Variants in SGCG observed in about 807,000 individuals in gnomAD.
SGCG encodes sarcoglycan gamma.
SGCG carries 26 observed loss-of-function variants against 29.3 expected under a neutral mutation model. The ratio of observed to expected loss-of-function variants is 0.89; its 90% CI spans 0.65 to 1.23. The LOEUF is 1.23. SGCG is among the 50% of genes most tolerant of loss of function. The probability of loss-of-function intolerance (pLI) is 0.00; values close to 1 mark genes in which losing one functional copy is unlikely to be tolerated. For synonymous variants in SGCG, 145 were observed against 129.7 expected, an observed-to-expected ratio of 1.12 and a Z score of -0.80; for missense variants, 353 against 356.0, an observed-to-expected ratio of 0.99 and a Z score of 0.07.
chr13:23,238,984 C>T (rs1879407994), intron 3 of SGCG, among the ~76,000 whole-genome samples: 1 of 151,868 alleles, frequency 6.6e-6, no homozygotes, highest in African/African-American at 2.4e-5. Flanking sequence ...GGGACAATGT[C>T]AAGGGGCTTT....
intron 2 of SGCG, among the ~76,000 whole-genome samples, chr13:23,216,962 A>C (rs2137521021): frequency 6.6e-6 from 1 of 152,226 alleles, no homozygotes; most frequent in Non-Finnish European, 1.5e-5. Context: ...ATGTGTTTTT[A>C]ATTCCTGGGT....
At position 23,282,884 on chromosome 13, in the gene SGCG, C is replaced by T. The variant is rs552487347; in HGVS notation, c.505+3406C>T. On this transcript the variant is annotated intron_variant, in intron 5 of 7. Transcript: ENST00000218867. ...TTTAGTGGCATCCTTAGCCAGTAGT[C>T]ATTCAGGAGCAGGTTGTTCAGTTTC... Among the ~76,000 whole-genome samples, 3 of 152,272 alleles carry T rather than the reference C, an allele frequency of 2.0e-5. No individual in the cohort carries two copies. The East Asian group carries it at 5.8e-4, about 29-fold the overall frequency.
chr13:23,242,244 A>G (rs1181757412), intron 3 of SGCG, among the ~76,000 whole-genome samples: 2 of 152,302 alleles, frequency 1.3e-5, no homozygotes, highest in East Asian at 1.9e-4. Context: ...TGCCATTCCC[A>G]TATTAGGTTC....
At chr13:23,212,818 G>A (rs1363910137) in intron 2 of SGCG, among the ~76,000 whole-genome samples, 3 of 152,054 alleles carry the variant, frequency 2.0e-5, no homozygotes, top group African/African-American at 7.2e-5. Flanking sequence ...GAGCAGGTTT[G>A]GTTTGCAGAC....
At chr13:23,310,862 A>G (rs1198696721) in intron 6 of SGCG, among the ~76,000 whole-genome samples, 2 of 152,158 alleles carry the variant, frequency 1.3e-5, no homozygotes, top group African/African-American at 4.8e-5. Context: ...TATTTTTAAA[A>G]ACTTAGTCAC....
At position 23,319,754 on chromosome 13, in the gene SGCG, T is replaced by G. The variant is rs111595899; in HGVS notation, c.579-883T>G. ...TGCTTCCTACTGCCCTTTAAGCGTT[T>G]CCTTGAAATCAGCATTTCAAACTTT... On this transcript the variant is annotated intron_variant, in intron 6 of 7. Transcript: ENST00000218867. Among the ~76,000 whole-genome samples the G allele has an allele frequency of 1.4e-3, 219 of 152,318 alleles. 1 individual carries two copies. The highest frequency in any genetic ancestry group is 2.6e-3 in the Non-Finnish European group (179 of 68,042).
the SGCG span, among the ~76,000 whole-genome samples, chr13:23,172,828 G>A: frequency 6.6e-6 from 1 of 152,218 alleles, no homozygotes; most frequent in African/African-American, 2.4e-5. Context: ...GGAGTAGGAT[G>A]AAGGTGCTTA....
upstream of SGCG, among the ~76,000 whole-genome samples, chr13:23,176,917 A>T (rs1283239524): frequency 6.6e-6 from 1 of 152,194 alleles, no homozygotes; most frequent in African/African-American, 2.4e-5. Context: ...AAACATCTGC[A>T]TCCCCATGTT....
At chr13:23,319,622 CTCTT>C (rs1882959645) in intron 6 of SGCG, among the ~76,000 whole-genome samples, 1 of 152,308 alleles carries the variant, frequency 6.6e-6, no homozygotes. Context: ...GGGTACTTCT[CTCTT>C]AAGCCACTTC....
intron 4 of SGCG, among the ~76,000 whole-genome samples, chr13:23,266,271 C>CAA (rs56910680): frequency 7.9e-6 from 1 of 126,124 alleles, no homozygotes; most frequent in Non-Finnish European, 1.7e-5. Flanking sequence ...GACTCTGTCT[C>CAA]AAAAAAAAAA....
intron 2 of SGCG, among the ~76,000 whole-genome samples, chr13:23,211,258 C>G (rs1878196699): frequency 6.6e-6 from 1 of 152,104 alleles, no homozygotes; most frequent in Non-Finnish European, 1.5e-5. Context: ...TAAGTAGATC[C>G]CTGGGGAAGG....
At chr13:23,315,458 C>G (rs147417015) in intron 6 of SGCG, among the ~76,000 whole-genome samples, 1 of 152,222 alleles carries the variant, frequency 6.6e-6, no homozygotes, top group Non-Finnish European at 1.5e-5. Flanking sequence ...ACCCTGCCTT[C>G]TCTTCCCCAG....
chr13:23,167,011 T>C, the SGCG span, among the ~76,000 whole-genome samples: 1 of 152,218 alleles, frequency 6.6e-6, no homozygotes, highest in Non-Finnish European at 1.5e-5. Flanking sequence ...TTATTCTTTC[T>C]ATTTTTTAAC....
chr13:23,254,804 C>T (rs1268492979), intron 4 of SGCG, among the ~76,000 whole-genome samples: 1 of 152,196 alleles, frequency 6.6e-6, no homozygotes, highest in Non-Finnish European at 1.5e-5. Flanking sequence ...TGCTCTAGCT[C>T]CAGCTGTGCC....
intron 4 of SGCG, among the ~76,000 whole-genome samples, chr13:23,264,867 T>G (rs1421748901): frequency 1.3e-5 from 2 of 152,158 alleles, no homozygotes; most frequent in Non-Finnish European, 2.9e-5. Context: ...GAAAATTGGA[T>G]TGCCTAGGTC....
At chr13:23,163,837 C>G in the SGCG span, among the ~76,000 whole-genome samples, 3 of 152,006 alleles carry the variant, frequency 2.0e-5, no homozygotes, top group African/African-American at 7.2e-5. Context: ...AACTAGCAAC[C>G]AGATATAAAA....
At chr13:23,180,916 A>G (rs1456947268), upstream of SGCG, 2 of 152,230 alleles carry the variant, frequency 1.3e-5, no homozygotes, top group Non-Finnish European at 2.9e-5. Flanking sequence ...AACATGAGAC[A>G]GGGCGAAACT....
chr13:23,322,393 C>T (rs1375409480), intron 7 of SGCG, among the ~76,000 whole-genome samples: 4 of 152,182 alleles, frequency 2.6e-5, no homozygotes, highest in African/African-American at 9.7e-5. Context: ...GGTTATACAG[C>T]ATTTTCACTT....
the SGCG span, among the ~76,000 whole-genome samples, chr13:23,174,109 T>C: frequency 6.6e-6 from 1 of 152,184 alleles, no homozygotes; most frequent in Admixed American, 6.5e-5. Flanking sequence ...CCCTCCTTTC[T>C]GAATAATTAT....
Sources: allele counts gnomAD v4.1 joint callset (sites outside exome capture counted in the v4.1 genomes callset), GRCh38; gene constraint gnomAD v4.1.1; transcripts MANE v1.5; gene names NCBI Gene and HGNC (gene_info 2026-07-23, HGNC 2026-07-21).